Variants in PTPRG observed in about 807,000 individuals in gnomAD.
The protein encoded by PTPRG is receptor-type tyrosine-protein phosphatase gamma.
Under a neutral mutation model 165.3 loss-of-function variants are expected in PTPRG, and 102 were observed. The observed-to-expected ratio is 0.62, with a 90% CI of 0.53 to 0.73. PTPRG has a LOEUF of 0.73. Ranked by LOEUF, PTPRG falls within the 30% of genes least tolerant of loss-of-function variation. The pLI is 0.00. For synonymous variants in PTPRG, 675 were observed against 669.5 expected, an observed-to-expected ratio of 1.01 and a Z score of -0.13; for missense variants, 1,866 against 1,861.4, an observed-to-expected ratio of 1.00 and a Z score of -0.05.
At chr3:62,076,465 A>G (rs1052420366) in intron 4 of PTPRG, among the ~76,000 whole-genome samples, 2 of 152,080 alleles carry the variant, frequency 1.3e-5, no homozygotes, top group Admixed American at 1.3e-4. Context: ...CAAGTAAGGA[A>G]GCTGGAATAG....
chr3:61,603,542 T>C (rs1273570944), intron 1 of PTPRG, among the ~76,000 whole-genome samples: 2 of 152,232 alleles, frequency 1.3e-5, no homozygotes, highest in African/African-American at 4.8e-5. Context: ...GGTATTTCTT[T>C]ATAGCAATGC....
At chr3:61,568,355 TTG>T (rs1699973255) in intron 1 of PTPRG, among the ~76,000 whole-genome samples, 1 of 152,158 alleles carries the variant, frequency 6.6e-6, no homozygotes, top group South Asian at 2.1e-4. Context: ...ACAGATAAAT[TTG>T]TGGTTAACTC....
intron 2 of PTPRG, among the ~76,000 whole-genome samples, chr3:61,917,650 C>T (rs1002650469): frequency 6.6e-5 from 10 of 152,170 alleles, no homozygotes; most frequent in South Asian, 2.1e-4. Context: ...CAAGCAAAGG[C>T]GGGGCGTGGT....
At chr3:62,000,686 T>C (rs1019462818) in intron 3 of PTPRG, among the ~76,000 whole-genome samples, 3 of 152,222 alleles carry the variant, frequency 2.0e-5, no homozygotes, top group African/African-American at 7.2e-5. Flanking sequence ...CTATTGTCCC[T>C]GCCTAATGAC....
intron 1 of PTPRG, among the ~76,000 whole-genome samples, chr3:61,666,905 A>G (rs1014592383): frequency 1.3e-5 from 2 of 152,252 alleles, no homozygotes; most frequent in African/African-American, 2.4e-5. Flanking sequence ...AAAATGGTGT[A>G]GAACAGTACT....
intron 1 of PTPRG, among the ~76,000 whole-genome samples, chr3:61,675,711 A>G (rs1017685428): frequency 6.6e-6 from 1 of 152,198 alleles, no homozygotes; most frequent in Non-Finnish European, 1.5e-5. Flanking sequence ...GCCTATGGCT[A>G]ATGTTTCAGC....
chr3:62,285,150 G>A (rs1702592938), intron 28 of PTPRG, among the ~76,000 whole-genome samples: 1 of 151,992 alleles, frequency 6.6e-6, no homozygotes, highest in Non-Finnish European at 1.5e-5. Context: ...ATTCATCCCA[G>A]TCTCCACCGG....
At chr3:61,649,693 C>G (rs1320938316) in intron 1 of PTPRG, among the ~76,000 whole-genome samples, 1 of 152,148 alleles carries the variant, frequency 6.6e-6, no homozygotes, top group Non-Finnish European at 1.5e-5. Context: ...AATATGACAA[C>G]TTGGATTTAT....
chr3:61,938,640 T>G (rs2039538544), intron 2 of PTPRG, among the ~76,000 whole-genome samples: 2 of 152,172 alleles, frequency 1.3e-5, no homozygotes. Context: ...AAGTTGTACC[T>G]GTTTTTTTCA....
chr3:61,933,262 C>G (rs1386888559), intron 2 of PTPRG, among the ~76,000 whole-genome samples: 1 of 152,182 alleles, frequency 6.6e-6, no homozygotes, highest in African/African-American at 2.4e-5. Flanking sequence ...CAAAATGATG[C>G]TGAGATACGA....
intron 5 of PTPRG, among the ~76,000 whole-genome samples, chr3:62,092,341 G>A (rs968671628): frequency 2.0e-5 from 3 of 150,492 alleles, no homozygotes; most frequent in African/African-American, 7.4e-5. Context: ...TCGGGAGGCC[G>A]AGGCAGGAGA....
chr3:61,724,005 G>C (rs1188643254), intron 1 of PTPRG, among the ~76,000 whole-genome samples: 1 of 152,136 alleles, frequency 6.6e-6, no homozygotes, highest in African/African-American at 2.4e-5. Flanking sequence ...GCTGAGGCGG[G>C]TGGATCACTT....
chr3:62,276,940 A>C, intron 24 of PTPRG, 32 bp from the exon 25 acceptor site: 1 of 1,574,368 alleles, frequency 6.4e-7, no homozygotes, highest in Non-Finnish European at 8.7e-7. Context: ...TAATAAGGCA[A>C]ATGTGGTGTT....
At chr3:61,653,820 T>C (rs529504952) in intron 1 of PTPRG, among the ~76,000 whole-genome samples, 1 of 145,884 alleles carries the variant, frequency 6.9e-6, no homozygotes, top group East Asian at 2.1e-4. Flanking sequence ...CCCACACTGT[T>C]CCCAGTTATC....
At chr3:62,258,909 A>C (rs1261037916) in intron 16 of PTPRG, among the ~76,000 whole-genome samples, 20 of 152,180 alleles carry the variant, frequency 1.3e-4, no homozygotes. Flanking sequence ...GAAGGCTTCC[A>C]AAAGACCAGT....
rs149138735 is a variant in PTPRG at position 62,130,406 on chromosome 3, A to G, written c.616-2196A>G. On this transcript the variant is annotated intron_variant, in intron 5 of 29. Coordinates refer to ENST00000474889, the MANE Select transcript of PTPRG (RefSeq NM_002841.4). ...ATATGGACAAGCCCAATTTCAAAGA[A>G]TGGAATAATTGGTGTACACTTTCCA... Among the ~76,000 whole-genome samples, 648 of 152,352 alleles carry G rather than the reference A, an allele frequency of 4.3e-3. 9 individuals are homozygous for G. Among genetic ancestry groups the G allele is most frequent in the Admixed American group, 0.019 (292 of 15,298 alleles).
chr3:62,253,867 C>T (rs886867502), intron 15 of PTPRG, among the ~76,000 whole-genome samples: 1 of 152,108 alleles, frequency 6.6e-6, no homozygotes, highest in African/African-American at 2.4e-5. Flanking sequence ...TTACAGAGCA[C>T]CACCTATTTG....
At chr3:62,127,471 C>G (rs935358543) in intron 5 of PTPRG, among the ~76,000 whole-genome samples, 2 of 152,196 alleles carry the variant, frequency 1.3e-5, no homozygotes, top group African/African-American at 2.4e-5. Context: ...GGTGAATCCT[C>G]TTCTCTGCAA....
At chr3:61,881,126 C>T (rs767174575) in intron 2 of PTPRG, among the ~76,000 whole-genome samples, 67 of 151,652 alleles carry the variant, frequency 4.4e-4, no homozygotes, top group Admixed American at 3.0e-3. Flanking sequence ...TCAAATTTAA[C>T]ATCATATACA....
Sources: allele counts gnomAD v4.1 joint callset (sites outside exome capture counted in the v4.1 genomes callset), GRCh38; gene constraint gnomAD v4.1.1; transcripts MANE v1.5; gene names NCBI Gene and HGNC (gene_info 2026-07-23, HGNC 2026-07-21).